CYSLTR1: variants seen among roughly 807,000 people sequenced by gnomAD.
CYSLTR1 encodes G-protein coupled receptor HG55.
Under a neutral mutation model 2.1 loss-of-function variants are expected in CYSLTR1, and 1 was observed. That is an observed-to-expected ratio of 0.48 (90% CI 0.17 to 2.28). The LOEUF is 2.28. CYSLTR1 is among the 30% of genes most tolerant of loss of function. The pLI, the probability that CYSLTR1 is intolerant of heterozygous loss-of-function variation, is 0.26. For synonymous variants in CYSLTR1, 110 were observed against 89.6 expected (o/e 1.23, Z -1.28); for missense variants, 299 against 250.1 (o/e 1.20, Z -1.32).
intron 2 of CYSLTR1, among the ~76,000 whole-genome samples, chrX:78,277,349 C>T (rs1037727897): frequency 1.8e-5 from 2 of 111,530 alleles, no homozygotes; most frequent in Non-Finnish European, 3.8e-5. Context: ...CAGCCACCAC[C>T]ATAGCTCTTT....
chrX:78,273,464 A>T lies in CYSLTR1; in HGVS notation c.283T>A (p.Leu95Met). ...HKGIWLFGDF[L>M]CRLSTYALYV... ...AAAGCATAGGTGCTGAGGCGGCACA[A>T]GAAGTCACCAAAGAGCCAAATGCCT... is the stretch of plus-strand genomic sequence containing the variant. The change falls in exon 3 of 3, where the codon TTG becomes ATG. Residue 95 changes from leucine (L) to methionine (M), a missense_variant. Leu to Met is a conservative substitution (Grantham distance 15). Transcript: ENST00000373304. 1 of 1,212,002 alleles carries T rather than the reference A, an allele frequency of 8.3e-7. No homozygotes were observed. Among genetic ancestry groups the T allele is most frequent in the South Asian group, 1.8e-5 (1 of 57,019 alleles).
intron 1 of CYSLTR1, among the ~76,000 whole-genome samples, chrX:78,286,957 T>C (rs997100494): frequency 1.8e-5 from 2 of 111,627 alleles, no homozygotes; most frequent in African/African-American, 6.5e-5. Context: ...CATACATATA[T>C]TTCCCTTGGT....
Position 78,288,527 on chromosome X carries a change from G to A in CYSLTR1, c.-114-4987C>T, listed in dbSNP as rs188209140. ...TTCCATTTGTTGCTTTGTCATTAGT[G>A]TTCTCTGTGGTCATTCAATTTATGT... On this transcript the variant is annotated intron_variant, in intron 1 of 2. Transcript: ENST00000373304. Among the ~76,000 whole-genome samples, 181 of 109,610 alleles carry A rather than the reference G, an allele frequency of 1.7e-3. 1 individual carries two copies. Among genetic ancestry groups the A allele is most frequent in the African/African-American group, 5.7e-3 (173 of 30,188 alleles).
chrX:78,303,474 G>A (rs1165270857), intron 1 of CYSLTR1, among the ~76,000 whole-genome samples: 2 of 109,382 alleles, frequency 1.8e-5, no homozygotes, highest in Non-Finnish European at 3.8e-5. Flanking sequence ...GTGTGTGGGC[G>A]CAATCAGTGG....
Position 78,288,934 on chromosome X carries a change from C to T in CYSLTR1, c.-114-5394G>A, listed in dbSNP as rs763256726. 6.7e-5 allele frequency among the ~76,000 whole-genome samples: 7 copies of T among 104,083 alleles called. No homozygotes were observed. In the South Asian group the frequency reaches 2.7e-3, roughly 40 times the overall value. The allele number at this position is 104,083 out of a possible 115,157, so 90.4% of individuals were successfully genotyped here. A position where few individuals can be genotyped will look rare whatever the true frequency, so the allele number is the denominator to read the frequency against. On this transcript the variant is annotated intron_variant, in intron 1 of 2. Coordinates refer to ENST00000373304, the MANE Select transcript of CYSLTR1 (RefSeq NM_006639.4). ...GTTAAATTGTTTTGATTTTTAGATCCCACAAATGAGTGGGAACATGCAATG... is the reference window on the plus strand; with the variant it reads ...GTTAAATTGTTTTGATTTTTAGATCTCACAAATGAGTGGGAACATGCAATG...
intron 2 of CYSLTR1, among the ~76,000 whole-genome samples, chrX:78,276,272 C>G (rs1362493700): frequency 8.9e-6 from 1 of 111,903 alleles, no homozygotes; most frequent in Non-Finnish European, 1.9e-5. Context: ...AGTGATTTCT[C>G]TCATATTTCT....
intron 1 of CYSLTR1, among the ~76,000 whole-genome samples, chrX:78,324,391 C>T (rs771096085): frequency 1.8e-5 from 2 of 112,260 alleles, no homozygotes; most frequent in Non-Finnish European, 3.8e-5. Flanking sequence ...TTTTTTGAGA[C>T]GGAGTCTCGC....
At chrX:78,285,280 G>T (rs992192009) in intron 1 of CYSLTR1, among the ~76,000 whole-genome samples, 3 of 110,161 alleles carry the variant, frequency 2.7e-5, no homozygotes, top group Non-Finnish European at 5.7e-5. Context: ...AATTAGCCGG[G>T]CATGGTGGCG....
intron 1 of CYSLTR1, among the ~76,000 whole-genome samples, chrX:78,285,454 T>A (rs1359112255): frequency 9.1e-6 from 1 of 109,538 alleles, no homozygotes; most frequent in African/African-American, 3.3e-5. Flanking sequence ...TCCTTTCTGA[T>A]CCTGAAATTA....
intron 1 of CYSLTR1, among the ~76,000 whole-genome samples, chrX:78,322,850 G>A (rs1484001265): frequency 1.8e-5 from 2 of 111,431 alleles, no homozygotes; most frequent in South Asian, 3.8e-4. Context: ...AGAGGAGAAC[G>A]TCAAACCCAT....
At chrX:78,280,018 T>C (rs1921768177) in intron 2 of CYSLTR1, among the ~76,000 whole-genome samples, 1 of 110,901 alleles carries the variant, frequency 9.0e-6, no homozygotes, top group African/African-American at 3.3e-5. Context: ...ACTACCTCAG[T>C]GATGGAACCA....
At chrX:78,292,003 T>G (rs928856075) in intron 1 of CYSLTR1, among the ~76,000 whole-genome samples, 4 of 111,402 alleles carry the variant, frequency 3.6e-5, no homozygotes, top group Non-Finnish European at 7.5e-5. Context: ...ATTTCTTGCC[T>G]TCTGCTAGCT....
chrX:78,273,092 T>C lies in CYSLTR1; in HGVS notation c.655A>G (p.Lys219Glu), dbSNP rs770880534. Residue 219 changes from lysine (K) to glutamate (E), a missense_variant, in exon 3 of 3, where the codon AAA (lysine) becomes GAA (glutamate). Lys to Glu is a moderately conservative substitution (Grantham distance 56, BLOSUM62 1). Coordinates refer to ENST00000373304, the MANE Select transcript of CYSLTR1 (RefSeq NM_006639.4). ...YTMIILTLLK[K>E]SMKKNLSSHK... is the part of the protein sequence containing the mutation. ...CTTGACAGATTTTTTTTCATTGATT[T>C]TTTTAGTAAGGTCAAAATGATCATT... is the stretch of plus-strand genomic sequence containing the variant. 8.3e-7 allele frequency: 1 copy of C among 1,209,884 alleles called. No individual in the cohort carries two copies. The highest frequency in any genetic ancestry group is 1.1e-6 in the Non-Finnish European group (1 of 894,323).
intron 1 of CYSLTR1, among the ~76,000 whole-genome samples, chrX:78,304,115 G>A (rs1922935216): frequency 9.0e-6 from 1 of 111,698 alleles, no homozygotes; most frequent in South Asian, 3.7e-4. Flanking sequence ...CAGAATACAG[G>A]CTTGGTCAGG....
chrX:78,295,112 G>C (rs1279697426), intron 1 of CYSLTR1, among the ~76,000 whole-genome samples: 1 of 112,071 alleles, frequency 8.9e-6, no homozygotes, highest in Non-Finnish European at 1.9e-5. Context: ...TGGCCATCTT[G>C]GAATGGAACC....
At chrX:78,291,715 A>G (rs1922335611) in intron 1 of CYSLTR1, among the ~76,000 whole-genome samples, 1 of 110,932 alleles carries the variant, frequency 9.0e-6, no homozygotes, top group Non-Finnish European at 1.9e-5. Flanking sequence ...CCAGGAATTT[A>G]TTCATTTCTT....
At chrX:78,291,124 A>C (rs1204527805) in intron 1 of CYSLTR1, among the ~76,000 whole-genome samples, 1 of 111,809 alleles carries the variant, frequency 8.9e-6, no homozygotes, top group Non-Finnish European at 1.9e-5. Flanking sequence ...ATTTTGAGAT[A>C]CATCCCATCA....
chrX:78,321,179 GCA>G, intron 1 of CYSLTR1: 1 of 106,535 alleles, frequency 9.4e-6, no homozygotes, highest in African/African-American at 3.5e-5. Context: ...GTGTGTAAGT[GCA>G]GGTGCTGTTA....
chrX:78,274,868 A>C (rs1269998465), intron 2 of CYSLTR1, among the ~76,000 whole-genome samples: 1 of 111,979 alleles, frequency 8.9e-6, no homozygotes, highest in Non-Finnish European at 1.9e-5. Flanking sequence ...CAATGAACTC[A>C]AACAAATGTA....
Sources: gnomAD v4.1 joint callset for allele counts (sites outside exome capture counted in the v4.1 genomes callset) on GRCh38, gnomAD v4.1.1 for gene constraint, MANE v1.5 for transcripts, NCBI Gene and HGNC (gene_info 2026-07-23, HGNC 2026-07-21) for gene names.